The following MCUB variants were observed in gnomAD, a reference collection of about 807,000 sequenced individuals.
The protein encoded by MCUB is calcium uniporter regulatory subunit MCUb, mitochondrial.
In MCUB, 46 loss-of-function variants were observed where a neutral mutation model predicts 41.4. The observed-to-expected ratio is 1.11, with a 90% CI of 0.88 to 1.42. The LOEUF (loss-of-function observed/expected upper bound fraction) is 1.42. Among genes scored for constraint, MCUB ranks in the 40% most tolerant of loss-of-function variants. The probability of loss-of-function intolerance (pLI) is 0.00; values close to 1 mark genes in which losing one functional copy is unlikely to be tolerated. For synonymous variants in MCUB, 148 were observed against 148.2 expected, an observed-to-expected ratio of 1.00 and a Z score of 0.01; for missense variants, 403 against 404.9, an observed-to-expected ratio of 1.00 and a Z score of 0.04.
Position 109,639,752 on chromosome 4 carries a change from G to T in MCUB, c.100-19259G>T, listed in dbSNP as rs11945658. ...AGATATGCTGTCATCTAGGCTTTGT[G>T]GTTGCGTGTATAGAACACAGGTAGA... On this transcript the variant is annotated intron_variant, in intron 1 of 7. Coordinates refer to ENST00000394650, the MANE Select transcript of MCUB (RefSeq NM_017918.5). 8.4e-3 allele frequency among the ~76,000 whole-genome samples: 1,284 copies of T among 152,278 alleles called. 23 individuals are homozygous for T. Among genetic ancestry groups the T allele is most frequent in the African/African-American group, 0.029 (1,188 of 41,554 alleles).
At chr4:109,568,231 C>T (rs746856520) in intron 1 of MCUB, among the ~76,000 whole-genome samples, 3 of 152,098 alleles carry the variant, frequency 2.0e-5, no homozygotes, top group African/African-American at 4.8e-5. Flanking sequence ...TATAATAAAC[C>T]GGTTTTCACT....
chr4:109,584,243 G>T (rs994895309), intron 1 of MCUB, among the ~76,000 whole-genome samples: 1 of 152,120 alleles, frequency 6.6e-6, no homozygotes, highest in Non-Finnish European at 1.5e-5. Flanking sequence ...GCATAGAGGT[G>T]TTTATAGTAT....
chr4:109,666,782 G>T (rs138884075), intron 4 of MCUB, among the ~76,000 whole-genome samples: 164 of 152,200 alleles, frequency 1.1e-3, no homozygotes, highest in African/African-American at 3.8e-3. Flanking sequence ...TTCCTGGTTT[G>T]CTGAGAGTCT....
chr4:109,637,071 T>A (rs958971317), intron 1 of MCUB, among the ~76,000 whole-genome samples: 2 of 152,094 alleles, frequency 1.3e-5, no homozygotes, highest in African/African-American at 2.4e-5. Flanking sequence ...GTCATTTAGC[T>A]ATGGAAGGAA....
At chr4:109,611,809 A>G (rs535738637) in intron 1 of MCUB, among the ~76,000 whole-genome samples, 2 of 152,364 alleles carry the variant, frequency 1.3e-5, no homozygotes. Context: ...AAAATGAAGC[A>G]GATGGCAAAC....
chr4:109,675,323 C>T (rs192496347), intron 4 of MCUB, among the ~76,000 whole-genome samples: 24 of 152,334 alleles, frequency 1.6e-4, no homozygotes, highest in Admixed American at 3.9e-4. Flanking sequence ...TCAGGTTCCT[C>T]GGAACCCTCT....
Position 109,560,332 on chromosome 4 carries a change from G to C in MCUB, c.-6G>C, listed in dbSNP as rs1726589367. ...CCTGCGGGAGCCGCGCGCCTGGGGC[G>C]GGAGGATGCTCCAGAGGGGCCTCTG... On this transcript the variant is annotated 5_prime_UTR_variant, in exon 1 of 8. Coordinates refer to ENST00000394650, the MANE Select transcript of MCUB (RefSeq NM_017918.5). 2 of 1,253,630 alleles carry C rather than the reference G, an allele frequency of 1.6e-6. No homozygotes were observed. Among genetic ancestry groups the C allele is most frequent in the Non-Finnish European group, 2.0e-6 (2 of 996,632 alleles). 77.7% of individuals were successfully genotyped at this position (1,253,630 alleles called of 1,614,324 possible). A position where few individuals can be genotyped will look rare whatever the true frequency, so the allele number is the denominator to read the frequency against.
chr4:109,672,135 T>G (rs1303479006), intron 4 of MCUB, among the ~76,000 whole-genome samples: 1 of 152,156 alleles, frequency 6.6e-6, no homozygotes, highest in African/African-American at 2.4e-5. Flanking sequence ...TACAAGAGTT[T>G]CTTAGCCTCT....
intron 1 of MCUB, among the ~76,000 whole-genome samples, chr4:109,629,650 A>C (rs1302125010): frequency 6.6e-6 from 1 of 152,210 alleles, no homozygotes; most frequent in Non-Finnish European, 1.5e-5. Flanking sequence ...AACTCAAGGA[A>C]ACACATCTAC....
At position 109,628,920 on chromosome 4, in the gene MCUB, A is replaced by T. The variant is rs536345174; in HGVS notation, c.100-30091A>T. On this transcript the variant is annotated intron_variant, in intron 1 of 7. Transcript: ENST00000394650. ...TTAGAATTATAGACTGGAGTCTAGG[A>T]GGAAGGGCATTCAAGGCAAAGGAAG... Among the ~76,000 whole-genome samples the T allele has an allele frequency of 3.3e-5, 5 of 152,268 alleles. No homozygotes were observed. In the South Asian group the frequency reaches 1.0e-3, roughly 32 times the overall value.
At chr4:109,561,273 ACT>A (rs2126121792) in intron 1 of MCUB, among the ~76,000 whole-genome samples, 1 of 152,292 alleles carries the variant, frequency 6.6e-6, no homozygotes, top group African/African-American at 2.4e-5. Context: ...CCTCCCCCAC[ACT>A]GTTAAGATTA....
intron 4 of MCUB, among the ~76,000 whole-genome samples, chr4:109,677,327 T>A (rs1381887639): frequency 6.6e-6 from 1 of 152,200 alleles, no homozygotes; most frequent in African/African-American, 2.4e-5. Flanking sequence ...GATAATTTGC[T>A]TCAGGATGAA....
At position 109,657,849 on chromosome 4, in the gene MCUB, A is replaced by T. The variant is rs146614238; in HGVS notation, c.100-1162A>T. ...TGTTGTAGACTCAGCACTGCTGTCC[A>T]ATAGAACTTTCTGTGATGATAGAAA... is the stretch of plus-strand genomic sequence containing the variant. On this transcript the variant is annotated intron_variant, in intron 1 of 7. Coordinates refer to ENST00000394650, the MANE Select transcript of MCUB (RefSeq NM_017918.5). 3.2e-3 allele frequency among the ~76,000 whole-genome samples: 492 copies of T among 152,390 alleles called. 2 individuals carry two copies. The highest frequency in any genetic ancestry group is 0.011 in the African/African-American group (466 of 41,598).
intron 1 of MCUB, among the ~76,000 whole-genome samples, chr4:109,637,821 A>G (rs148963400): frequency 6.6e-6 from 1 of 152,346 alleles, no homozygotes; most frequent in African/African-American, 2.4e-5. Flanking sequence ...GAATGCACCA[A>G]AATTTCAGAA....
intron 4 of MCUB, among the ~76,000 whole-genome samples, chr4:109,679,434 C>T (rs1729664701): frequency 6.6e-6 from 1 of 152,308 alleles, no homozygotes; most frequent in Admixed American, 6.5e-5. Flanking sequence ...TCACCTGAGG[C>T]CAGGAGCTGG....
intron 1 of MCUB, among the ~76,000 whole-genome samples, chr4:109,623,168 A>G (rs1728290324): frequency 6.6e-6 from 1 of 152,222 alleles, no homozygotes; most frequent in African/African-American, 2.4e-5. Flanking sequence ...TAAGAAGTGA[A>G]TCAGTGAGGC....
chr4:109,598,485 A>C (rs938554211), intron 1 of MCUB, among the ~76,000 whole-genome samples: 2 of 151,802 alleles, frequency 1.3e-5, no homozygotes, highest in African/African-American at 4.8e-5. Context: ...AATCGCAGGC[A>C]CTCGGCAGGC....
intron 1 of MCUB, 115 bp from the exon 2 acceptor site, chr4:109,658,896 T>G: frequency 1.4e-6 from 1 of 717,656 alleles, no homozygotes; most frequent in Non-Finnish European, 2.4e-6. Context: ...CAAGTTGAGT[T>G]TTTCATTATG....
At position 109,615,417 on chromosome 4, in the gene MCUB, T is replaced by C. The variant is rs116898051; in HGVS notation, c.100-43594T>C. Among the ~76,000 whole-genome samples the C allele has an allele frequency of 3.7e-3, 557 of 151,766 alleles. 7 individuals carry two copies. Among genetic ancestry groups the C allele is most frequent in the East Asian group, 0.015 (77 of 5,176 alleles). On this transcript the variant is annotated intron_variant, in intron 1 of 7. Coordinates refer to ENST00000394650, the MANE Select transcript of MCUB (RefSeq NM_017918.5). ...ATCATAGATGTGAATTTTTTTTTTT[T>C]TTTTTTGAGACGGAGTCTCGCTCTA...
Sources: gnomAD v4.1 joint callset for allele counts (sites outside exome capture counted in the v4.1 genomes callset) on GRCh38, gnomAD v4.1.1 for gene constraint, MANE v1.5 for transcripts, NCBI Gene and HGNC (gene_info 2026-07-23, HGNC 2026-07-21) for gene names.